Variants in CDH19 observed in about 807,000 individuals in gnomAD.
CDH19 encodes the protein cadherin 19.
Under a neutral mutation model 64.2 loss-of-function variants are expected in CDH19, and 67 were observed. The ratio of observed to expected loss-of-function variants is 1.04; its 90% CI spans 0.86 to 1.28. The LOEUF (loss-of-function observed/expected upper bound fraction) is 1.28. Ranked by LOEUF, CDH19 falls within the 50% of genes most tolerant of loss-of-function variation. CDH19 has a pLI of 0.00. For missense variants in CDH19, 1,030 were observed against 929.0 expected, an observed-to-expected ratio of 1.11 and a Z score of -1.41; for synonymous variants, 346 against 319.3, an observed-to-expected ratio of 1.08 and a Z score of -0.89.
At chr18:66,568,372 G>C (rs1196745473) in intron 3 of CDH19, 44 bp downstream of exon 3, 2 of 1,449,194 alleles carry the variant, frequency 1.4e-6, no homozygotes, top group African/African-American at 2.8e-5. Context: ...TTTTAAACCT[G>C]CTTCATTGTT....
chr18:66,562,386 T>G (rs1002352772), intron 3 of CDH19, among the ~76,000 whole-genome samples: 2 of 151,922 alleles, frequency 1.3e-5, no homozygotes, highest in African/African-American at 4.8e-5. Flanking sequence ...ACATGTGCAG[T>G]TCACAATAGG....
intron 5 of CDH19, among the ~76,000 whole-genome samples, chr18:66,548,675 G>C (rs574493071): frequency 6.6e-6 from 1 of 152,230 alleles, no homozygotes; most frequent in South Asian, 2.1e-4. Flanking sequence ...GAAATGATCA[G>C]ATCAGTTTGG....
chr18:66,554,673 A>T (rs1568195104), intron 3 of CDH19, 149 bp from the exon 4 acceptor site: 1 of 569,354 alleles, frequency 1.8e-6, no homozygotes, highest in Non-Finnish European at 2.9e-6. Flanking sequence ...AAAGTAATGT[A>T]TTTTTTTGTT....
intron 9 of CDH19, among the ~76,000 whole-genome samples, chr18:66,520,460 T>G (rs1985935405): frequency 7.1e-6 from 1 of 141,220 alleles, no homozygotes; most frequent in Non-Finnish European, 1.6e-5. Context: ...GGAATTTTTT[T>G]CAAAAGAGTA....
intron 7 of CDH19, among the ~76,000 whole-genome samples, chr18:66,543,612 C>T (rs188877358): frequency 1.1e-4 from 17 of 152,034 alleles, no homozygotes; most frequent in African/African-American, 3.9e-4. Context: ...AGGCTAGGGG[C>T]GGTGGCTCAA....
chr18:66,578,850 T>C (rs1391506303), intron 1 of CDH19, among the ~76,000 whole-genome samples: 2 of 151,974 alleles, frequency 1.3e-5, no homozygotes, highest in Admixed American at 6.6e-5. Flanking sequence ...TACAGTAATA[T>C]CCAAAATAAT....
At chr18:66,600,620 T>C (rs929073603) in intron 1 of CDH19, among the ~76,000 whole-genome samples, 7 of 151,920 alleles carry the variant, frequency 4.6e-5, no homozygotes, top group African/African-American at 7.2e-5. Context: ...ATTAAATCCA[T>C]ATTGTATAAA....
intron 5 of CDH19, among the ~76,000 whole-genome samples, chr18:66,549,594 C>G (rs1987263630): frequency 6.6e-6 from 1 of 152,010 alleles, no homozygotes; most frequent in Non-Finnish European, 1.5e-5. Context: ...AGTCCATCCA[C>G]AGAGGAACTG....
At chr18:66,508,753 T>TC (rs1568169705) in intron 11 of CDH19, among the ~76,000 whole-genome samples, 7 of 151,854 alleles carry the variant, frequency 4.6e-5, no homozygotes, top group Non-Finnish European at 1.0e-4. Context: ...GATGTGTACA[T>TC]ACATACTCAT....
chr18:66,572,230 A>G lies in CDH19; in HGVS notation c.-26T>C. 6.3e-7 allele frequency: 1 copy of G among 1,578,560 alleles called. No homozygotes were observed. Among genetic ancestry groups the G allele is most frequent in the South Asian group, 1.1e-5 (1 of 88,914 alleles). Reference sequence around the variant, plus strand: ...TGCGTTGACTCTTTTGATTCCAACTATTACTCTTCAGAGGAAACAGGACGT... The same window carrying G: ...TGCGTTGACTCTTTTGATTCCAACTGTTACTCTTCAGAGGAAACAGGACGT... On this transcript the variant is annotated 5_prime_UTR_variant, in exon 2 of 12. Coordinates refer to ENST00000262150, the MANE Select transcript of CDH19 (RefSeq NM_021153.4).
rs920931997 is a variant in CDH19, at chr18:66,504,670, T to G, written c.*142A>C. 6 of 738,950 alleles carry G rather than the reference T, an allele frequency of 8.1e-6. No individual in the cohort carries two copies. The highest frequency in any genetic ancestry group is 3.5e-5 in the African/African-American group (2 of 56,704). The allele number at this position is 738,950 out of a possible 1,614,324, so 45.8% of individuals were successfully genotyped here. Reference sequence around the variant, plus strand: ...GCATGTAGGTAGCTTAAAATAACCATGGAGTATTTACTCCAGGGAAATCAG... The same window carrying G: ...GCATGTAGGTAGCTTAAAATAACCAGGGAGTATTTACTCCAGGGAAATCAG... On this transcript the variant is annotated 3_prime_UTR_variant, in exon 12 of 12. Coordinates refer to ENST00000262150, the MANE Select transcript of CDH19 (RefSeq NM_021153.4).
intron 1 of CDH19, among the ~76,000 whole-genome samples, chr18:66,584,353 A>G (rs513107): frequency 0.64 from 96,808 of 151,862 alleles, 32,249 homozygotes; most frequent in African/African-American, 0.83. Flanking sequence ...AGATGCTGGT[A>G]AGGTTGAAGG....
intron 1 of CDH19, among the ~76,000 whole-genome samples, chr18:66,597,081 CAA>C (rs35253366): frequency 1.5e-4 from 4 of 26,330 alleles, no homozygotes; most frequent in Non-Finnish European, 2.2e-4. Flanking sequence ...GACTCCATCT[CAA>C]AAAAAAAAAA....
At chr18:66,532,045 C>CTG (rs1397099868) in intron 8 of CDH19, among the ~76,000 whole-genome samples, 14 of 152,120 alleles carry the variant, frequency 9.2e-5, no homozygotes, top group African/African-American at 2.4e-4. Context: ...CAGCTCACTG[C>CTG]AACCTCCACC....
At chr18:66,530,935 C>T (rs2144420202) in intron 8 of CDH19, among the ~76,000 whole-genome samples, 1 of 152,130 alleles carries the variant, frequency 6.6e-6, no homozygotes, top group South Asian at 2.1e-4. Flanking sequence ...AAGTGTGGAG[C>T]CAAATGGCCT....
At chr18:66,565,339 CT>C (rs1403281879) in intron 3 of CDH19, among the ~76,000 whole-genome samples, 1 of 151,926 alleles carries the variant, frequency 6.6e-6, no homozygotes, top group African/African-American at 2.4e-5. Flanking sequence ...TTGATTTTAT[CT>C]CATGACATAA....
At chr18:66,542,379 T>C (rs560304575) in intron 7 of CDH19, among the ~76,000 whole-genome samples, 1 of 152,182 alleles carries the variant, frequency 6.6e-6, no homozygotes, top group South Asian at 2.1e-4. Context: ...AATTAATATA[T>C]GAAGGTTTCT....
chr18:66,516,302 G>T (rs1985733984), intron 9 of CDH19, among the ~76,000 whole-genome samples: 2 of 151,902 alleles, frequency 1.3e-5, no homozygotes, highest in Admixed American at 1.3e-4. Flanking sequence ...AGAGAATCTA[G>T]TCCGCAAGCT....
Position 66,501,147 on chromosome 18 carries a change from T to C in CDH19, c.*3665A>G, listed in dbSNP as rs1984923243. 1 of 152,132 alleles carries C rather than the reference T, an allele frequency of 6.6e-6. No homozygotes were observed. The highest frequency in any genetic ancestry group is 2.4e-5 in the African/African-American group (1 of 41,448). 9.4% of individuals were successfully genotyped at this position (152,132 alleles called of 1,614,324 possible). A position where few individuals can be genotyped will look rare whatever the true frequency, so the allele number is the denominator to read the frequency against. ...AAATAGTCAATGGAAACCAAAAGAA[T>C]TTCTACAAGTCACTAAGTAAAATAG... is the stretch of plus-strand genomic sequence containing the variant. On this transcript the variant is annotated 3_prime_UTR_variant, in exon 12 of 12. Transcript: ENST00000262150.
Sources: allele counts gnomAD v4.1 joint callset (sites outside exome capture counted in the v4.1 genomes callset), GRCh38; gene constraint gnomAD v4.1.1; transcripts MANE v1.5; gene names NCBI Gene and HGNC (gene_info 2026-07-23, HGNC 2026-07-21).